ANKRD35: variants seen among roughly 807,000 people sequenced by gnomAD.
ANKRD35 encodes ankyrin repeat domain-containing protein 35.
In ANKRD35, 102 loss-of-function variants were observed where a neutral mutation model predicts 109.9. The observed-to-expected ratio is 0.93, with a 90% CI of 0.79 to 1.09. The LOEUF (loss-of-function observed/expected upper bound fraction) is 1.09. ANKRD35 is among the 50% of genes least tolerant of loss of function. The probability of loss-of-function intolerance (pLI) is 0.00; values close to 1 mark genes in which losing one functional copy is unlikely to be tolerated. For missense variants in ANKRD35, 1,240 were observed against 1,230.1 expected, an observed-to-expected ratio of 1.01 and a Z score of -0.12; for synonymous variants, 515 against 512.4, an observed-to-expected ratio of 1.01 and a Z score of -0.07.
In ANKRD35 at chr1:145,872,939, C is replaced by T; in HGVS notation, c.1830G>A (p.Lys610=). ...CTGACATCTCCTTCTCCAGCTGTCC[C>T]TTTGCCAGGCCTCCTAGGGCCTTTT... The part of the protein sequence containing the change: ...GGEKALGGLA[K]GQLEKEMSVL... The change falls in exon 10 of 14, where the codon AAG becomes AAA. Residue 610 remains lysine (K), a synonymous_variant. Transcript: ENST00000355594. 6.2e-7 allele frequency: 1 copy of T among 1,611,678 alleles called. No individual in the cohort carries two copies. The highest frequency in any genetic ancestry group is 8.5e-7 in the Non-Finnish European group (1 of 1,178,376).
chr1:145,870,744 G>C (rs1386069018), intron 10 of ANKRD35, among the ~76,000 whole-genome samples: 1 of 151,922 alleles, frequency 6.6e-6, no homozygotes, highest in Non-Finnish European at 1.5e-5. Flanking sequence ...GGAGAAGGAG[G>C]AGTCTCGCTC....
Position 145,878,038 on chromosome 1 carries a change from A to G in ANKRD35, c.260-6T>C. ...CAAGTGTAGGGCAGTGCTTCCTGGAACAGAAAGAAGGGGAGAAGGAGGGTA... is the reference window on the plus strand; with the variant it reads ...CAAGTGTAGGGCAGTGCTTCCTGGAGCAGAAAGAAGGGGAGAAGGAGGGTA... On this transcript the variant is annotated splice_polypyrimidine_tract_variant and splice_region_variant and intron_variant, in intron 3 of 13. Coordinates refer to ENST00000355594, the MANE Select transcript of ANKRD35 (RefSeq NM_144698.5). 1.9e-6 allele frequency: 3 copies of G among 1,613,840 alleles called. No individual in the cohort carries two copies. The highest frequency in any genetic ancestry group is 2.5e-6 in the Non-Finnish European group (3 of 1,179,812).
intron 9 of ANKRD35, 74 bp from the exon 10 acceptor site, chr1:145,874,059 T>C: frequency 6.2e-7 from 1 of 1,611,470 alleles, no homozygotes; most frequent in South Asian, 1.1e-5. Flanking sequence ...TTTCTTCTCT[T>C]AAATGTCTTG....
In ANKRD35 at chr1:145,872,087, C is replaced by G. The variant is rs1319613440; in HGVS notation, c.2682G>C (p.Gln894His). 1 of 1,613,360 alleles carries G rather than the reference C, an allele frequency of 6.2e-7. No homozygotes were observed. Among genetic ancestry groups the G allele is most frequent in the Non-Finnish European group, 8.5e-7 (1 of 1,179,806 alleles). The change falls in exon 10 of 14, where the codon CAG becomes CAC. Residue 894 changes from glutamine (Q) to histidine (H), a missense_variant. Gln to His is a conservative substitution (Grantham distance 24). Coordinates refer to ENST00000355594, the MANE Select transcript of ANKRD35 (RefSeq NM_144698.5). ...LAAQAAEQERQASEMRGRSEQ... is the reference protein window; with the variant it reads ...LAAQAAEQERHASEMRGRSEQ... ...CGGAGCGCCCCCGCATCTCGCTGGCCTGGCGCTCTTGTTCGGCTGCCTGAG... is the reference window on the plus strand; with the variant it reads ...CGGAGCGCCCCCGCATCTCGCTGGCGTGGCGCTCTTGTTCGGCTGCCTGAG...
chr1:145,873,320 C>G lies in ANKRD35; in HGVS notation c.1449G>C (p.Val483=). ...VEPGGTVAEP[V]GPAAMNQLLL... is the part of the protein sequence containing the mutation. ...GAAGCTGGTTCATGGCTGCTGGGCC[C>G]ACTGGTTCAGCCACTGTGCCTCCTG... The change falls in exon 10 of 14, where the codon GTG becomes GTC. Residue 483 remains valine, a synonymous_variant. Transcript: ENST00000355594. The G allele has an allele frequency of 1.2e-6, 2 of 1,614,206 alleles. No individual in the cohort carries two copies. The highest frequency in any genetic ancestry group is 1.3e-5 in the African/African-American group (1 of 75,064).
chr1:145,884,570 C>T (rs587628353), intron 1 of ANKRD35, among the ~76,000 whole-genome samples: 15 of 152,228 alleles, frequency 9.9e-5, no homozygotes, highest in Admixed American at 8.5e-4. Context: ...TAAGGGGGCT[C>T]TCTGTAAGAG....
chr1:145,874,946 G>A lies in ANKRD35; in HGVS notation c.621C>T (p.Ser207=). The change falls in exon 8 of 14, where the codon AGC becomes AGT. Residue 207 remains serine, a synonymous_variant. Transcript: ENST00000355594. The stretch of plus-strand genomic sequence containing the variant: ...CCACAGCCCCCGCGTCAGCTCCGTG[G>A]CTCAGGAGCAGTTCAGCCACCTCGG... ...GSAEVAELLL[S]HGADAGAVDS... is the part of the protein sequence containing the mutation. 1 of 1,613,226 alleles carries A rather than the reference G, an allele frequency of 6.2e-7. No individual in the cohort carries two copies. The highest frequency in any genetic ancestry group is 8.5e-7 in the Non-Finnish European group (1 of 1,179,632).
chr1:145,877,005 C>G (rs1333448122), intron 4 of ANKRD35, 132 bp from the exon 5 acceptor site: 1 of 837,816 alleles, frequency 1.2e-6, no homozygotes, highest in African/African-American at 1.7e-5. Context: ...AGGCTATCTA[C>G]TAGGCAAGCC....
chr1:145,872,493 C>T lies in ANKRD35; in HGVS notation c.2276G>A (p.Gly759Glu). The stretch of plus-strand genomic sequence containing the variant: ...TGGCTCCCTACACGGGGACAAGGAC[C>T]CCCGCAACTGCTGGTTTTCTTCTTG... Reference protein sequence around the residue: ...RLQEENQQLRGSLSPCREPGT... With the variant: ...RLQEENQQLRESLSPCREPGT... The change falls in exon 10 of 14, where the codon GGG becomes GAG. Residue 759 changes from glycine (G) to glutamate (E), a missense_variant. By Grantham distance (98) the Gly-to-Glu change is moderately conservative. Coordinates refer to ENST00000355594, the MANE Select transcript of ANKRD35 (RefSeq NM_144698.5). 1 of 1,599,306 alleles carries T rather than the reference C, an allele frequency of 6.3e-7. No individual in the cohort carries two copies. Among genetic ancestry groups the T allele is most frequent in the Non-Finnish European group, 8.5e-7 (1 of 1,173,442 alleles).
intron 12 of ANKRD35, 33 bp downstream of exon 12, chr1:145,867,958 T>G: frequency 6.2e-7 from 1 of 1,606,636 alleles, no homozygotes; most frequent in South Asian, 1.1e-5. Context: ...CAGCTTTATG[T>G]CTATACCTCC....
chr1:145,867,961 A>G, intron 12 of ANKRD35, 30 bp downstream of exon 12: 1 of 1,608,092 alleles, frequency 6.2e-7, no homozygotes, highest in Non-Finnish European at 8.5e-7. Flanking sequence ...CTTTATGTCT[A>G]TACCTCCCTC....
chr1:145,869,113 AT>A lies in ANKRD35; in HGVS notation c.2788-714del, dbSNP rs201105390. ...GATAAAACATTGAAAACTTAAAAAA[AT>A]TTAAAAAAAAAACAGCTTTTCTTCC... On this transcript the variant is annotated intron_variant, in intron 10 of 13. Transcript: ENST00000355594. 1.3e-3 allele frequency among the ~76,000 whole-genome samples: 194 copies of A among 152,224 alleles called. 3 individuals are homozygous for A. In the East Asian group the frequency reaches 0.024, roughly 19 times the overall value.
At position 145,883,265 on chromosome 1, in the gene ANKRD35, A is replaced by T. The variant is rs1654360644; in HGVS notation, c.39+2455T>A. Among the ~76,000 whole-genome samples, 3 of 151,868 alleles carry T rather than the reference A, an allele frequency of 2.0e-5. No homozygotes were observed. In the South Asian group the frequency reaches 6.2e-4, roughly 32 times the overall value. ...ACACCCGGCTAATTTTTGTATTTTT[A>T]GTAGAGATAGGGTATCGCCATGTTG... On this transcript the variant is annotated intron_variant, in intron 1 of 13. Coordinates refer to ENST00000355594, the MANE Select transcript of ANKRD35 (RefSeq NM_144698.5).
chr1:145,874,477 G>A (rs587658937), intron 8 of ANKRD35, among the ~76,000 whole-genome samples: 1 of 152,318 alleles, frequency 6.6e-6, no homozygotes, highest in Non-Finnish European at 1.5e-5. Flanking sequence ...TCAATGGTGA[G>A]CAAAACAGAA....
chr1:145,869,179 GT>G (rs68187768), intron 10 of ANKRD35, among the ~76,000 whole-genome samples: 511 of 150,568 alleles, frequency 3.4e-3, no homozygotes, highest in African/African-American at 0.012. Flanking sequence ...TTGTTTTTTT[GT>G]TTTTTTTTGT....
At position 145,873,003 on chromosome 1, in the gene ANKRD35, G is replaced by A; in HGVS notation, c.1766C>T (p.Pro589Leu). 1 of 1,610,258 alleles carries A rather than the reference G, an allele frequency of 6.2e-7. No homozygotes were observed. Among genetic ancestry groups the A allele is most frequent in the Non-Finnish European group, 8.5e-7 (1 of 1,178,434 alleles). ...CCCTAGAGGCTCTCCTTGAGCCCCAGGAACCCTTTTCTCCTTCTCTTCATC... is the reference window on the plus strand; with the variant it reads ...CCCTAGAGGCTCTCCTTGAGCCCCAAGAACCCTTTTCTCCTTCTCTTCATC... ...KQDEEKEKRVPGAQGEPLGAL... is the reference protein window; with the variant it reads ...KQDEEKEKRVLGAQGEPLGAL... The change falls in exon 10 of 14, where the codon CCT becomes CTT. Residue 589 changes from proline to leucine, a missense_variant. Pro to Leu is a moderately conservative substitution (Grantham distance 98). Transcript: ENST00000355594.
rs782576843 is a variant in ANKRD35 at position 145,873,708 on chromosome 1, G to A, written c.1061C>T (p.Ala354Val). 3 of 1,614,052 alleles carry A rather than the reference G, an allele frequency of 1.9e-6. No homozygotes were observed. The East Asian group carries it at 6.7e-5, about 36-fold the overall frequency. ...LGVLLSWEPRASGKQGSSLRP... is the reference protein window; with the variant it reads ...LGVLLSWEPRVSGKQGSSLRP... ...GAGACTAGAGCCTTGCTTTCCTGAA[G>A]CTCTGGGCTCCCAGGATAGGAGGAC... The change falls in exon 10 of 14, where the codon GCT (alanine) becomes GTT (valine). Residue 354 changes from alanine to valine, a missense_variant. Physicochemically the swap from Ala to Val is moderately conservative, Grantham distance 64 (BLOSUM62 0). Coordinates refer to ENST00000355594, the MANE Select transcript of ANKRD35 (RefSeq NM_144698.5).
At chr1:145,869,559 T>G (rs1553738260) in intron 10 of ANKRD35, among the ~76,000 whole-genome samples, 1 of 151,984 alleles carries the variant, frequency 6.6e-6, no homozygotes, top group Non-Finnish European at 1.5e-5. Context: ...CACTGCAACC[T>G]CTAAATCCTG....
chr1:145,879,121 C>A, intron 2 of ANKRD35, 137 bp downstream of exon 2: 1 of 1,191,474 alleles, frequency 8.4e-7, no homozygotes, highest in Non-Finnish European at 1.1e-6. Flanking sequence ...TAGCAAAAAA[C>A]TATTGATATA....
Sources: gnomAD v4.1 joint callset for allele counts (sites outside exome capture counted in the v4.1 genomes callset) on GRCh38, gnomAD v4.1.1 for gene constraint, MANE v1.5 for transcripts, NCBI Gene and HGNC (gene_info 2026-07-23, HGNC 2026-07-21) for gene names.